Variants in MSN observed in about 807,000 individuals in gnomAD.
MSN encodes the protein epididymis luminal protein 70.
A neutral mutation model predicts 48.0 loss-of-function variants in MSN; 2 were observed. That is an observed-to-expected ratio of 0.04 (90% CI 0.02 to 0.13). The LOEUF (loss-of-function observed/expected upper bound fraction) is 0.13. Among genes scored for constraint, MSN ranks in the 10% least tolerant of loss-of-function variants. The probability of loss-of-function intolerance (pLI) is 1.00; values close to 1 mark genes in which losing one functional copy is unlikely to be tolerated. For synonymous variants in MSN, 146 were observed against 166.9 expected, an observed-to-expected ratio of 0.87 and a Z score of 0.97; for missense variants, 267 against 470.1, an observed-to-expected ratio of 0.57 and a Z score of 3.99.
At chrX:65,592,838 C>T (rs1168099848) in intron 1 of MSN, among the ~76,000 whole-genome samples, 5 of 110,354 alleles carry the variant, frequency 4.5e-5, no homozygotes, top group Non-Finnish European at 7.6e-5. Context: ...CTCAGGAGTT[C>T]GAGACCAGCC....
At chrX:65,599,078 G>C (rs1275268400) in intron 1 of MSN, among the ~76,000 whole-genome samples, 1 of 108,442 alleles carries the variant, frequency 9.2e-6, no homozygotes, top group Non-Finnish European at 1.9e-5. Context: ...CCTGAGGTCA[G>C]GAATTCGAGA....
chrX:65,618,866 T>C (rs1400916847), intron 1 of MSN, among the ~76,000 whole-genome samples: 2 of 111,674 alleles, frequency 1.8e-5, no homozygotes, highest in Non-Finnish European at 1.9e-5. Flanking sequence ...TTTCCATGTT[T>C]AGTGCTTCCT....
chrX:65,741,644 C>A lies in MSN; in HGVS notation c.*1751C>A, dbSNP rs1261565644. 1 of 170,775 alleles carries A rather than the reference C, an allele frequency of 5.9e-6. No individual in the cohort carries two copies. Among genetic ancestry groups the A allele is most frequent in the African/African-American group, 2.9e-5 (1 of 34,087 alleles). The allele number at this position is 170,775 out of a possible 1,213,427, so 14.1% of individuals were successfully genotyped here. ...CTCCCTCAATTCCCCCTGGCCACCA[C>A]CCCCCACTCTGTGCCTGACCTTGAG... is the stretch of plus-strand genomic sequence containing the variant. On this transcript the variant is annotated 3_prime_UTR_variant, in exon 13 of 13. Transcript: ENST00000360270.
chrX:65,680,896 G>A (rs947451384), intron 1 of MSN, among the ~76,000 whole-genome samples: 45 of 110,431 alleles, frequency 4.1e-4, no homozygotes, highest in African/African-American at 1.5e-3. Context: ...TTACAGGGAT[G>A]TGCCACCAAA....
At chrX:65,666,811 C>T (rs1318699173), upstream of MSN, among the ~76,000 whole-genome samples, 1 of 111,350 alleles carries the variant, frequency 9.0e-6, no homozygotes, top group East Asian at 2.8e-4. Flanking sequence ...CACTGCCATC[C>T]TGGGATTCTG....
rs1004340702 is a variant in MSN at position 65,687,519 on chromosome X, G to T, written c.12+19666G>T. 3.6e-5 allele frequency among the ~76,000 whole-genome samples: 4 copies of T among 111,959 alleles called. No individual in the cohort carries two copies. In the Admixed American group the frequency reaches 3.8e-4, roughly 11 times the overall value. ...TCCTAAAAGTTTCCAGGGTGAAGTG[G>T]TTAGGTTGCTGTTGCTGAGTAATCC... On this transcript the variant is annotated intron_variant, in intron 1 of 12. Transcript: ENST00000360270.
At chrX:65,711,352 G>A (rs1168648981) in intron 1 of MSN, among the ~76,000 whole-genome samples, 1 of 106,574 alleles carries the variant, frequency 9.4e-6, no homozygotes, top group Non-Finnish European at 1.9e-5. Context: ...GAGCCACCGC[G>A]CCTGGCCTAA....
chrX:65,738,194 A>C, intron 10 of MSN, among the ~76,000 whole-genome samples: 1 of 112,502 alleles, frequency 8.9e-6, no homozygotes. Flanking sequence ...CACTTCAGGA[A>C]GTGACCCAAT....
At chrX:65,618,154 C>A (rs1041019718) in intron 1 of MSN, among the ~76,000 whole-genome samples, 30 of 111,620 alleles carry the variant, frequency 2.7e-4, no homozygotes, top group African/African-American at 9.5e-4. Context: ...GAATAAGTGC[C>A]ATGTGATGCT....
At chrX:65,599,028 G>A (rs930068975) in intron 1 of MSN, among the ~76,000 whole-genome samples, 1 of 111,053 alleles carries the variant, frequency 9.0e-6, no homozygotes, top group Non-Finnish European at 1.9e-5. Flanking sequence ...GGCTCACGCC[G>A]GTAATCCCGG....
intron 1 of MSN, among the ~76,000 whole-genome samples, chrX:65,673,811 T>C (rs1298895840): frequency 9.0e-6 from 1 of 111,650 alleles, no homozygotes; most frequent in Admixed American, 9.5e-5. Context: ...ATGGGGGCAC[T>C]AAAGTCCAGA....
chrX:65,624,686 T>G (rs1446870491), intron 1 of MSN: 2 of 106,080 alleles, frequency 1.9e-5, no homozygotes, highest in Non-Finnish European at 3.9e-5. Flanking sequence ...CTCAGGAGAC[T>G]GAGGCACAAG....
At chrX:65,632,309 A>G (rs909306280) in intron 1 of MSN, among the ~76,000 whole-genome samples, 3 of 111,428 alleles carry the variant, frequency 2.7e-5, no homozygotes, top group Non-Finnish European at 5.6e-5. Context: ...CTGCCATGGG[A>G]TGATGCAGCA....
At position 65,719,535 on chromosome X, in the gene MSN, T is replaced by A. The variant is rs113098327; in HGVS notation, c.96+2634T>A. 7.1e-3 allele frequency among the ~76,000 whole-genome samples: 790 copies of A among 111,775 alleles called. 10 individuals are homozygous for A. The highest frequency in any genetic ancestry group is 0.024 in the African/African-American group (750 of 30,816). On this transcript the variant is annotated intron_variant, in intron 2 of 12. Coordinates refer to ENST00000360270, the MANE Select transcript of MSN (RefSeq NM_002444.3). ...GGGGATCATCTCTTCCTTGACAGGC[T>A]TTTTACTGTCTCTAAGACAAAAGGG...
At chrX:65,588,680 C>CTTT in intron 1 of MSN, 5 of 762,530 alleles carry the variant, frequency 6.6e-6, no homozygotes, top group Non-Finnish European at 7.9e-6. Flanking sequence ...CCTGTGCCCT[C>CTTT]TTTTTTTGCC....
At chrX:65,697,216 G>A (rs1438800727) in intron 1 of MSN, among the ~76,000 whole-genome samples, 1 of 110,293 alleles carries the variant, frequency 9.1e-6, no homozygotes, top group Non-Finnish European at 1.9e-5. Flanking sequence ...GGGGGGTTGG[G>A]GACATCCTGC....
intron 1 of MSN, among the ~76,000 whole-genome samples, chrX:65,658,348 A>T (rs193053285): frequency 9.0e-6 from 1 of 111,726 alleles, no homozygotes; most frequent in Admixed American, 9.6e-5. Context: ...TGGGGCCCCA[A>T]GCTGATATTT....
At chrX:65,588,502 G>A (rs1429678567) in exon 1 of MSN, 1 of 759,967 alleles carries the variant, frequency 1.3e-6, no homozygotes, top group African/African-American at 2.2e-5. Context: ...ATGAGCTCCG[G>A]GGGCAGCAGC....
rs1438638650 is a variant in MSN at position 65,741,816 on chromosome X, AT to A, written c.*1927del. ...TAGGGAGGCTGGGGGAAAAGGTTAG[AT>A]TTTGTATTCAGGGGTTTTTTGTGTA... On this transcript the variant is annotated 3_prime_UTR_variant, in exon 13 of 13. Transcript: ENST00000360270. The A allele has an allele frequency of 4.9e-5, 8 of 163,832 alleles. No individual in the cohort carries two copies. The highest frequency in any genetic ancestry group is 8.2e-5 in the Admixed American group (1 of 12,179). The allele number at this position is 163,832 out of a possible 1,213,427, so 13.5% of individuals were successfully genotyped here.
Sources: allele counts gnomAD v4.1 joint callset (sites outside exome capture counted in the v4.1 genomes callset), GRCh38; gene constraint gnomAD v4.1.1; transcripts MANE v1.5; gene names NCBI Gene and HGNC (gene_info 2026-07-23, HGNC 2026-07-21).